The following TBXA2R variants were observed in gnomAD, a reference collection of about 807,000 sequenced individuals.
The protein encoded by TBXA2R is prostanoid TP receptor.
Under a neutral mutation model 15.6 loss-of-function variants are expected in TBXA2R, and 15 were observed. The observed-to-expected ratio is 0.96, with a 90% CI of 0.64 to 1.48. The LOEUF is 1.48. Ranked by LOEUF, TBXA2R falls within the 40% of genes most tolerant of loss-of-function variation. The pLI, the probability that TBXA2R is intolerant of heterozygous loss-of-function variation, is 0.00. For missense variants in TBXA2R, 506 were observed against 491.4 expected, an observed-to-expected ratio of 1.03 and a Z score of -0.28; for synonymous variants, 280 against 241.2, an observed-to-expected ratio of 1.16 and a Z score of -1.49.
chr19:3,594,846 C>G lies in TBXA2R; in HGVS notation c.*842G>C. On this transcript the variant is annotated 3_prime_UTR_variant, in exon 3 of 3. Coordinates refer to ENST00000375190, the MANE Select transcript of TBXA2R (RefSeq NM_001060.6). ...TGCCCCCGTTCACATTCAATCCTTT[C>G]TGGACAGAGCCTTCCCTGTTGGAGG... 1 of 1,536,794 alleles carries G rather than the reference C, an allele frequency of 6.5e-7. No individual in the cohort carries two copies. The highest frequency in any genetic ancestry group is 8.7e-7 in the Non-Finnish European group (1 of 1,146,720).
chr19:3,600,826 G>GTTTTT lies in TBXA2R; in HGVS notation c.-83-114_-83-110dup, dbSNP rs35168572. On this transcript the variant is annotated intron_variant, in intron 1 of 2. Coordinates refer to ENST00000375190, the MANE Select transcript of TBXA2R (RefSeq NM_001060.6). ...TGCCCCAGCTCAAATATCCTCTCCG[G>GTTTTT]TTTTTTTTTTTTTTTTTTTTGAGAC... 609 of 399,010 alleles carry GTTTTT rather than the reference G, an allele frequency of 1.5e-3. 5 individuals carry two copies. The highest frequency in any genetic ancestry group is 3.7e-3 in the Middle Eastern group (5 of 1,354). The allele number at this position is 399,010 out of a possible 1,614,324, so 24.7% of individuals were successfully genotyped here.
At chr19:3,601,199 C>T (rs1316432791) in intron 1 of TBXA2R, among the ~76,000 whole-genome samples, 1 of 152,050 alleles carries the variant, frequency 6.6e-6, no homozygotes, top group Non-Finnish European at 1.5e-5. Context: ...ACCTGTTACT[C>T]TGTGTGGGGC....
chr19:3,597,488 G>A (rs1478602727), intron 2 of TBXA2R, among the ~76,000 whole-genome samples: 5 of 151,970 alleles, frequency 3.3e-5, no homozygotes, highest in Admixed American at 6.6e-5. Flanking sequence ...AAAATTAGCC[G>A]GGTGTGGTGG....
chr19:3,597,500 G>A (rs1012571339), intron 2 of TBXA2R, among the ~76,000 whole-genome samples: 1 of 151,886 alleles, frequency 6.6e-6, no homozygotes, highest in African/African-American at 2.4e-5. Flanking sequence ...GTGTGGTGGT[G>A]CACACCTGTA....
intron 1 of TBXA2R, 72 bp from the exon 2 acceptor site, chr19:3,600,789 C>T (rs1022370880): frequency 1.3e-5 from 9 of 706,712 alleles, no homozygotes; most frequent in Admixed American, 2.6e-5. Flanking sequence ...TGAACTCCTA[C>T]ACAACCTTCA....
chr19:3,600,212 C>T lies in TBXA2R; in HGVS notation c.423G>A (p.Pro141=), dbSNP rs1301333173. The T allele has an allele frequency of 1.2e-6, 2 of 1,604,542 alleles. No individual in the cohort carries two copies. The highest frequency in any genetic ancestry group is 1.1e-5 in the South Asian group (1 of 90,518). The change falls in exon 2 of 3, where the codon CCG becomes CCA. Residue 141 remains proline, a synonymous_variant. Coordinates refer to ENST00000375190, the MANE Select transcript of TBXA2R (RefSeq NM_001060.6). The part of the protein sequence containing the change: ...YLGITRPFSR[P]AVASQRRAWA... ...AGGCGCGGCGCTGCGAGGCGACCGC[C>T]GGGCGCGAGAAGGGCCGGGTGATAC...
At chr19:3,601,507 A>C (rs1338713046) in intron 1 of TBXA2R, among the ~76,000 whole-genome samples, 1 of 151,560 alleles carries the variant, frequency 6.6e-6, no homozygotes, top group Non-Finnish European at 1.5e-5. Flanking sequence ...CCTGGGCAAC[A>C]GTGAGACCCT....
intron 2 of TBXA2R, among the ~76,000 whole-genome samples, chr19:3,597,587 T>C (rs8112115): frequency 0.51 from 77,352 of 151,366 alleles, 20,406 homozygotes; most frequent in Non-Finnish European, 0.55. Flanking sequence ...GCTAAAATTG[T>C]GCCACTGCAC....
Position 3,595,363 on chromosome 19 carries a change from A to C in TBXA2R, c.*325T>G, listed in dbSNP as rs1339863630. The C allele has an allele frequency of 6.5e-6, 9 of 1,379,002 alleles. No homozygotes were observed. The Admixed American group carries it at 2.2e-4, about 34-fold the overall frequency. The allele number at this position is 1,379,002 out of a possible 1,614,324, so 85.4% of individuals were successfully genotyped here. A position where few individuals can be genotyped will look rare whatever the true frequency, so the allele number is the denominator to read the frequency against. ...CACTGCACTCCAGCCTGGGGGACAG[A>C]GCAAGACTCCGTCTAAAAAAAAAAA... On this transcript the variant is annotated 3_prime_UTR_variant, in exon 3 of 3. Transcript: ENST00000375190.
Position 3,595,377 on chromosome 19 carries a change from T to TA in TBXA2R, c.*310dup, listed in dbSNP as rs919139445. 0.013 allele frequency: 12,410 copies of TA among 934,558 alleles called. No homozygotes were observed. Among genetic ancestry groups the TA allele is most frequent in the East Asian group, 0.023 (589 of 25,586 alleles). 57.9% of individuals were successfully genotyped at this position (934,558 alleles called of 1,614,324 possible). A position where few individuals can be genotyped will look rare whatever the true frequency, so the allele number is the denominator to read the frequency against. ...CTGGGGGACAGAGCAAGACTCCGTC[T>TA]AAAAAAAAAAATAGCAATGCAAGAC... On this transcript the variant is annotated 3_prime_UTR_variant, in exon 3 of 3. Coordinates refer to ENST00000375190, the MANE Select transcript of TBXA2R (RefSeq NM_001060.6).
chr19:3,596,000 G>T, intron 2 of TBXA2R, 67 bp from the exon 3 acceptor site: 1 of 1,542,890 alleles, frequency 6.5e-7, no homozygotes, highest in Non-Finnish European at 8.8e-7. Flanking sequence ...TCCCTGCCCG[G>T]GGTCCCTTGA....
At chr19:3,597,326 T>A (rs2032623060) in intron 2 of TBXA2R, among the ~76,000 whole-genome samples, 1 of 151,032 alleles carries the variant, frequency 6.6e-6, no homozygotes. Context: ...ATCAATTATA[T>A]GATAATTATT....
In TBXA2R at chr19:3,595,785, C is replaced by T. The variant is rs753667647; in HGVS notation, c.935G>A (p.Arg312His). The change falls in exon 3 of 3, where the codon CGC (arginine) becomes CAC (histidine). Residue 312 changes from arginine to histidine, a missense_variant. By Grantham distance (29) the Arg-to-His change is conservative. Coordinates refer to ENST00000375190, the MANE Select transcript of TBXA2R (RefSeq NM_001060.6). ...ILDPWVYILFRRAVLRRLQPR... is the reference protein window; with the variant it reads ...ILDPWVYILFHRAVLRRLQPR... ...CTGGAGACGCCGGAGCACGGCGCGG[C>T]GGAACAGGATATACACCCAGGGGTC... The T allele has an allele frequency of 8.1e-6, 13 of 1,610,270 alleles. No homozygotes were observed. Among genetic ancestry groups the T allele is most frequent in the African/African-American group, 5.3e-5 (4 of 74,902 alleles).
rs1194208138 is a variant in TBXA2R at position 3,600,488 on chromosome 19, C to CA, written c.146dup (p.Ala50GlyfsTer341). On this transcript the variant is annotated frameshift_variant, in exon 2 of 3. Coordinates refer to ENST00000375190, the MANE Select transcript of TBXA2R (RefSeq NM_001060.6). LOFTEE classifies it high-confidence loss of function. ...GCGAACCCCCCTGCCGCGCGCCCGC[C>CA]AGCACGCTCAGGGCCAGCAGGTTGG... 6.2e-6 allele frequency: 10 copies of CA among 1,612,752 alleles called. No homozygotes were observed. Among genetic ancestry groups the CA allele is most frequent in the Non-Finnish European group, 8.5e-7 (1 of 1,179,652 alleles).
At chr19:3,599,186 A>G (rs2032661340) in intron 2 of TBXA2R, among the ~76,000 whole-genome samples, 1 of 150,312 alleles carries the variant, frequency 6.7e-6, no homozygotes, top group Non-Finnish European at 1.5e-5. Context: ...GCAGGGTCTC[A>G]CTCTGTCACC....
At position 3,595,635 on chromosome 19, in the gene TBXA2R, C is replaced by T. The variant is rs201128672; in HGVS notation, c.*53G>A. 30 of 1,514,038 alleles carry T rather than the reference C, an allele frequency of 2.0e-5. No homozygotes were observed. The South Asian group carries it at 2.3e-4, about 12-fold the overall frequency. 93.8% of individuals were successfully genotyped at this position (1,514,038 alleles called of 1,614,324 possible). A position where few individuals can be genotyped will look rare whatever the true frequency, so the allele number is the denominator to read the frequency against. On this transcript the variant is annotated 3_prime_UTR_variant, in exon 3 of 3. Coordinates refer to ENST00000375190, the MANE Select transcript of TBXA2R (RefSeq NM_001060.6). ...CCTCAGAACAGGCAGATGGGCTGTC[C>T]GAGGGGCCAAGGGCTCCGCGGAAAG...
At position 3,595,930 on chromosome 19, in the gene TBXA2R, A is replaced by T; in HGVS notation, c.790T>A (p.Phe264Ile). 6.3e-7 allele frequency: 1 copy of T among 1,587,278 alleles called. No homozygotes were observed. Among genetic ancestry groups the T allele is most frequent in the Middle Eastern group, 1.8e-4 (1 of 5,512 alleles). ...ASVCWLPLLVFIAQTVLRNPP... is the reference protein window; with the variant it reads ...ASVCWLPLLVIIAQTVLRNPP... ...TTTCGCAGCACTGTCTGGGCGATGA[A>T]GACCTGCAAAGGGGAGAGCTGTCAG... The change falls in exon 3 of 3, where the codon TTC becomes ATC. Residue 264 changes from phenylalanine to isoleucine, a missense_variant. Coordinates refer to ENST00000375190, the MANE Select transcript of TBXA2R (RefSeq NM_001060.6).
chr19:3,602,281 G>A (rs2032753053), intron 1 of TBXA2R, among the ~76,000 whole-genome samples: 1 of 152,124 alleles, frequency 6.6e-6, no homozygotes, highest in Non-Finnish European at 1.5e-5. Context: ...AAGTCCAGAG[G>A]GTTGTGGCTG....
chr19:3,596,636 T>C (rs1162857909), intron 2 of TBXA2R, among the ~76,000 whole-genome samples: 1 of 120,882 alleles, frequency 8.3e-6, no homozygotes, highest in Non-Finnish European at 1.8e-5. Context: ...AATAAATAAA[T>C]ACCTTTTTTT....
Sources: gnomAD v4.1 joint callset for allele counts (sites outside exome capture counted in the v4.1 genomes callset) on GRCh38, gnomAD v4.1.1 for gene constraint, MANE v1.5 for transcripts, NCBI Gene and HGNC (gene_info 2026-07-23, HGNC 2026-07-21) for gene names.